Variants in ZNF430 observed in about 807,000 individuals in gnomAD.
The protein encoded by ZNF430 is zinc finger protein 430.
A neutral mutation model predicts 56.7 loss-of-function variants in ZNF430; 35 were observed. The observed-to-expected ratio is 0.62, with a 90% CI of 0.47 to 0.82. The LOEUF is 0.82. Among genes scored for constraint, ZNF430 ranks in the 40% least tolerant of loss-of-function variants. The pLI, the probability that ZNF430 is intolerant of heterozygous loss-of-function variation, is 0.00. For missense variants in ZNF430, 574 were observed against 661.0 expected, an observed-to-expected ratio of 0.87 and a Z score of 1.44; for synonymous variants, 212 against 224.3, an observed-to-expected ratio of 0.94 and a Z score of 0.49.
Position 21,034,177 on chromosome 19 carries a change from A to G in ZNF430, c.315A>G (p.Gln105=). The G allele has an allele frequency of 6.3e-7, 1 of 1,597,480 alleles. No homozygotes were observed. Among genetic ancestry groups the G allele is most frequent in the Non-Finnish European group, 8.5e-7 (1 of 1,170,512 alleles). The part of the protein sequence containing the change: ...WNMKRHAMVD[Q]PPVTYSHFAQ... ...TGAAGAGACATGCGATGGTAGATCA[A>G]CCCCCAGGTAGGTGAGAGTGAACAC... Residue 105 remains glutamine (Q), a synonymous_variant, in exon 4 of 5, where the codon CAA becomes CAG. Coordinates refer to ENST00000261560, the MANE Select transcript of ZNF430 (RefSeq NM_025189.4).
At chr19:21,021,664 T>C (rs1967688603) in intron 1 of ZNF430, among the ~76,000 whole-genome samples, 1 of 152,032 alleles carries the variant, frequency 6.6e-6, no homozygotes. Context: ...CCAAATTCAG[T>C]AATTGGTTAG....
At chr19:21,027,097 G>A (rs1476226725) in intron 2 of ZNF430, among the ~76,000 whole-genome samples, 1 of 151,752 alleles carries the variant, frequency 6.6e-6, no homozygotes, top group Non-Finnish European at 1.5e-5. Context: ...CAAAGTGCTG[G>A]GATTACAGGC....
At chr19:21,029,862 G>T (rs1227324338) in intron 2 of ZNF430, among the ~76,000 whole-genome samples, 1 of 152,158 alleles carries the variant, frequency 6.6e-6, no homozygotes, top group African/African-American at 2.4e-5. Context: ...CTGCTCAGGA[G>T]GCTGGGGCAG....
intron 4 of ZNF430, among the ~76,000 whole-genome samples, chr19:21,054,748 C>CACTAT (rs1233249541): frequency 6.9e-6 from 1 of 144,716 alleles, no homozygotes; most frequent in Non-Finnish European, 1.5e-5. Flanking sequence ...CATCTCCGCT[C>CACTAT]ACTATAAGCT....
intron 4 of ZNF430, among the ~76,000 whole-genome samples, chr19:21,039,018 C>T (rs1207644696): frequency 2.0e-5 from 3 of 151,910 alleles, no homozygotes; most frequent in Non-Finnish European, 2.9e-5. Context: ...GGCATGGTCT[C>T]GGCTCACTTC....
chr19:21,034,693 A>T (rs936476849), intron 4 of ZNF430: 1 of 152,336 alleles, frequency 6.6e-6, no homozygotes, highest in Non-Finnish European at 1.5e-5. Flanking sequence ...ACCTGCCACC[A>T]TGCCCAGTTA....
intron 4 of ZNF430, among the ~76,000 whole-genome samples, chr19:21,041,175 TG>T (rs1968095754): frequency 6.6e-6 from 1 of 152,224 alleles, no homozygotes; most frequent in African/African-American, 2.4e-5. Flanking sequence ...TCAACCAAGC[TG>T]GTTTGCAGTG....
intron 1 of ZNF430, among the ~76,000 whole-genome samples, chr19:21,021,415 C>G (rs1967680773): frequency 6.6e-6 from 1 of 151,976 alleles, no homozygotes; most frequent in African/African-American, 2.4e-5. Context: ...AGGAGAATCA[C>G]TTGAACCTGG....
In ZNF430 at chr19:21,050,699, A is replaced by G. The variant is rs1489959294; in HGVS notation, c.323-5932A>G. Among the ~76,000 whole-genome samples, 7 of 152,108 alleles carry G rather than the reference A, an allele frequency of 4.6e-5. No homozygotes were observed. In the East Asian group the frequency reaches 1.3e-3, roughly 29 times the overall value. ...TTATTGTTTATTTTTACTTGTCAGA[A>G]CCACATAACAAAATTTATTATCAAA... On this transcript the variant is annotated intron_variant, in intron 4 of 4. Coordinates refer to ENST00000261560, the MANE Select transcript of ZNF430 (RefSeq NM_025189.4).
intron 4 of ZNF430, among the ~76,000 whole-genome samples, chr19:21,041,540 C>T (rs1354223677): frequency 2.0e-5 from 3 of 152,102 alleles, no homozygotes; most frequent in African/African-American, 7.2e-5. Context: ...GATACATGTA[C>T]AGGATTTACA....
chr19:21,056,604 G>A, intron 4 of ZNF430, 27 bp from the exon 5 acceptor site: 6 of 1,465,098 alleles, frequency 4.1e-6, no homozygotes, highest in African/African-American at 1.4e-5. Context: ...AGTAAATGGA[G>A]TAATTTGTTA....
chr19:21,020,856 G>T, intron 1 of ZNF430, 53 bp downstream of exon 1: 3 of 1,612,146 alleles, frequency 1.9e-6, no homozygotes, highest in Non-Finnish European at 2.5e-6. Flanking sequence ...GGTTGTAATG[G>T]GTGGGAAGTG....
chr19:21,049,886 C>A (rs900049494), intron 4 of ZNF430, among the ~76,000 whole-genome samples: 2 of 150,142 alleles, frequency 1.3e-5, no homozygotes, highest in African/African-American at 4.9e-5. Flanking sequence ...CTTTCGTTTT[C>A]TTTAATTTAC....
At chr19:21,041,780 C>G (rs1402260955) in intron 4 of ZNF430, among the ~76,000 whole-genome samples, 2 of 152,138 alleles carry the variant, frequency 1.3e-5, no homozygotes, top group African/African-American at 4.8e-5. Context: ...GTGGCATGAT[C>G]TCAGCTCACT....
intron 4 of ZNF430, among the ~76,000 whole-genome samples, chr19:21,049,932 T>C (rs548098589): frequency 1.0e-3 from 153 of 149,660 alleles, no homozygotes; most frequent in African/African-American, 3.6e-3. Context: ...ATTCTTCTCT[T>C]TTTTTTTTTT....
At chr19:21,022,998 C>A in intron 2 of ZNF430, 117 bp downstream of exon 2, 1 of 755,502 alleles carries the variant, frequency 1.3e-6, no homozygotes. Flanking sequence ...TAATTTTTGC[C>A]TCTGGATTGT....
intron 4 of ZNF430, chr19:21,035,722 G>C (rs1185042709): frequency 6.2e-6 from 1 of 161,412 alleles, no homozygotes; most frequent in Non-Finnish European, 1.4e-5. Context: ...GTAGTGGAGA[G>C]GGGGTGTAGC....
chr19:21,050,560 T>C (rs1968266641), intron 4 of ZNF430, among the ~76,000 whole-genome samples: 1 of 152,230 alleles, frequency 6.6e-6, no homozygotes, highest in South Asian at 2.1e-4. Context: ...AGGTGAGCAG[T>C]CATCTCCTAA....
rs1242595277 is a variant in ZNF430, at chr19:21,056,678, A to G, written c.370A>G (p.Lys124Glu). The part of the protein sequence containing the change: ...AQDLWPEQGI[K>E]DSFQEVILRR... ...AGACCTTTGGCCAGAGCAGGGCATA[A>G]AAGATTCTTTCCAAGAAGTCATATT... is the stretch of plus-strand genomic sequence containing the variant. The change falls in exon 5 of 5, where the codon AAA (lysine) becomes GAA (glutamate). Residue 124 changes from lysine to glutamate, a missense_variant. Lys to Glu is a moderately conservative substitution (Grantham distance 56). Around this residue, in one of 3 missense-constraint regions of ZNF430, gnomAD observed 346 missense variants for 399.1 expected, o/e 0.87. Coordinates refer to ENST00000261560, the MANE Select transcript of ZNF430 (RefSeq NM_025189.4). 6.3e-7 allele frequency: 1 copy of G among 1,589,918 alleles called. No individual in the cohort carries two copies. The highest frequency in any genetic ancestry group is 1.2e-5 in the South Asian group (1 of 86,576).
Sources: allele counts gnomAD v4.1 joint callset (sites outside exome capture counted in the v4.1 genomes callset), GRCh38; gene constraint gnomAD v4.1.1; regional missense constraint gnomAD v4.1.1; transcripts MANE v1.5; gene names NCBI Gene and HGNC (gene_info 2026-07-23, HGNC 2026-07-21).